ABCA3: variants seen among roughly 807,000 people sequenced by gnomAD.
ABCA3 encodes the protein ATP binding cassette subfamily A member 3.
Under a neutral mutation model 172.8 loss-of-function variants are expected in ABCA3, and 88 were observed. That is an observed-to-expected ratio of 0.51 (90% CI 0.43 to 0.61). The LOEUF is 0.61. ABCA3 is among the 20% of genes least tolerant of loss of function. The pLI, the probability that ABCA3 is intolerant of heterozygous loss-of-function variation, is 0.00. For synonymous variants in ABCA3, 1,066 were observed against 983.8 expected (o/e 1.08, Z -1.56); for missense variants, 2,164 against 2,301.0 (o/e 0.94, Z 1.22).
chr16:2,295,818 T>C, intron 17 of ABCA3, 78 bp from the exon 18 acceptor site: 1 of 1,596,046 alleles, frequency 6.3e-7, no homozygotes, highest in Non-Finnish European at 8.6e-7. Context: ...TCTCTAGGGC[T>C]CACACCAGGC....
At position 2,319,120 on chromosome 16, in the gene ABCA3, G is replaced by A. The variant is rs547877362; in HGVS notation, c.873+461C>T. 3.3e-5 allele frequency among the ~76,000 whole-genome samples: 5 copies of A among 152,160 alleles called. No homozygotes were observed. The East Asian group carries it at 9.7e-4, about 29-fold the overall frequency. The stretch of plus-strand genomic sequence containing the variant: ...TCATGCCTGTAATCCCAGCACTGTG[G>A]GAGAATGAGATGGGAGGCTGAGATG... On this transcript the variant is annotated intron_variant, in intron 8 of 32. Transcript: ENST00000301732.
At chr16:2,320,341 A>G (rs989775337) in intron 7 of ABCA3, among the ~76,000 whole-genome samples, 74 of 146,148 alleles carry the variant, frequency 5.1e-4, no homozygotes, top group Non-Finnish European at 6.0e-5. Flanking sequence ...CTCATGATCC[A>G]CCCACCTTGG....
intron 1 of ABCA3, among the ~76,000 whole-genome samples, chr16:2,336,316 G>A (rs1023598854): frequency 1.3e-5 from 2 of 152,162 alleles, no homozygotes; most frequent in Non-Finnish European, 2.9e-5. Flanking sequence ...TCAGATGATG[G>A]GTAAATGAAA....
At chr16:2,282,252 A>G (rs1414783235) in intron 26 of ABCA3, among the ~76,000 whole-genome samples, 1 of 152,182 alleles carries the variant, frequency 6.6e-6, no homozygotes. Context: ...GTGTGCCATC[A>G]TGCCTAGCTA....
At chr16:2,332,458 T>A in intron 1 of ABCA3, 2 of 1,067,834 alleles carry the variant, frequency 1.9e-6, no homozygotes, top group Non-Finnish European at 2.8e-6. Flanking sequence ...CTCATCCATA[T>A]ACTTCTGGTA....
chr16:2,313,667 G>A (rs2093710221), intron 10 of ABCA3, among the ~76,000 whole-genome samples: 1 of 151,734 alleles, frequency 6.6e-6, no homozygotes, highest in Non-Finnish European at 1.5e-5. Flanking sequence ...CACTCTGGGA[G>A]ACGGAGGTGG....
chr16:2,289,541 C>T lies in ABCA3; in HGVS notation c.2593G>A (p.Ala865Thr), dbSNP rs139882171. Reference sequence around the variant, plus strand: ...TTGCTGTCCACAGCCCAGTCGCTGGCGCGCCTCTCGTGCTGGTACTGCAGG... The same window carrying T: ...TTGCTGTCCACAGCCCAGTCGCTGGTGCGCCTCTCGTGCTGGTACTGCAGG... The part of the protein sequence containing the change: ...PALQYQHERR[A>T]SDWAVDSNLC... Residue 865 changes from alanine (A) to threonine (T), a missense_variant, in exon 20 of 33, where the codon GCC (alanine) becomes ACC (threonine). Around this residue, in one of 3 missense-constraint regions of ABCA3, gnomAD observed 1,343 missense variants for 1,369.6 expected, o/e 0.98. Coordinates refer to ENST00000301732, the MANE Select transcript of ABCA3 (RefSeq NM_001089.3). 26 of 1,571,626 alleles carry T rather than the reference C, an allele frequency of 1.7e-5. No individual in the cohort carries two copies. The highest frequency in any genetic ancestry group is 1.6e-4 in the African/African-American group (12 of 74,562).
chr16:2,336,317 G>A (rs903810423), intron 1 of ABCA3, among the ~76,000 whole-genome samples: 2 of 152,144 alleles, frequency 1.3e-5, no homozygotes, highest in African/African-American at 4.8e-5. Flanking sequence ...CAGATGATGG[G>A]TAAATGAAAT....
chr16:2,306,441 G>A (rs937405806), intron 11 of ABCA3, among the ~76,000 whole-genome samples: 1 of 152,232 alleles, frequency 6.6e-6, no homozygotes, highest in Non-Finnish European at 1.5e-5. Context: ...ACTGCCGACT[G>A]TAGAGAACCG....
Position 2,317,777 on chromosome 16 carries a change from G to A in ABCA3, c.874-13C>T, listed in dbSNP as rs760159640. 1 of 1,612,892 alleles carries A rather than the reference G, an allele frequency of 6.2e-7. No homozygotes were observed. Among genetic ancestry groups the A allele is most frequent in the South Asian group, 1.1e-5 (1 of 91,062 alleles). On this transcript the variant is annotated splice_polypyrimidine_tract_variant and intron_variant, in intron 8 of 32. Transcript: ENST00000301732. The stretch of plus-strand genomic sequence containing the variant: ...TGCGCATGTACTCCTGGGGAGAGAA[G>A]CCATCACGCTGCTGGGGGCCCGTCA...
intron 18 of ABCA3, among the ~76,000 whole-genome samples, chr16:2,294,008 CTTTT>C (rs1264381640): frequency 7.1e-6 from 1 of 140,036 alleles, no homozygotes. Flanking sequence ...TTTTTTCTTT[CTTTT>C]TTTTTTTTTG....
At chr16:2,337,647 A>C (rs1002855734) in intron 1 of ABCA3, among the ~76,000 whole-genome samples, 2 of 152,086 alleles carry the variant, frequency 1.3e-5, no homozygotes, top group Non-Finnish European at 2.9e-5. Context: ...TGGCCTCCCA[A>C]AGTGCCAAGA....
At chr16:2,314,872 CTTT>C (rs35616252) in intron 10 of ABCA3, among the ~76,000 whole-genome samples, 4 of 93,470 alleles carry the variant, frequency 4.3e-5, no homozygotes, top group Non-Finnish European at 8.3e-5. Flanking sequence ...AGTGCCTGGT[CTTT>C]TTTTTTTTTT....
At position 2,295,844 on chromosome 16, in the gene ABCA3, A is replaced by C. The variant is rs115348225; in HGVS notation, c.2264-104T>G. 1,294 of 1,519,092 alleles carry C rather than the reference A, an allele frequency of 8.5e-4. 8 individuals carry two copies. The African/African-American group carries it at 0.016, about 19-fold the overall frequency. The allele number at this position is 1,519,092 out of a possible 1,614,324, so 94.1% of individuals were successfully genotyped here. A position where few individuals can be genotyped will look rare whatever the true frequency, so the allele number is the denominator to read the frequency against. On this transcript the variant is annotated intron_variant, in intron 17 of 32. Coordinates refer to ENST00000301732, the MANE Select transcript of ABCA3 (RefSeq NM_001089.3). ...CACACCAGGCAAGCTGGTGGGAAGGAGGCTAGAGAACCGGAGGTGGGCAGC... is the reference window on the plus strand; with the variant it reads ...CACACCAGGCAAGCTGGTGGGAAGGCGGCTAGAGAACCGGAGGTGGGCAGC...
Position 2,297,134 on chromosome 16 carries a change from T to G in ABCA3, c.2263+195A>C, listed in dbSNP as rs2093681026. On this transcript the variant is annotated intron_variant, in intron 17 of 32. Coordinates refer to ENST00000301732, the MANE Select transcript of ABCA3 (RefSeq NM_001089.3). The surrounding 1 kb of genome is among the most constrained non-coding windows in gnomAD (Gnocchi z 5.6). ...ACCACATCCTAACCAAATTGAGACTTTCAGCTCCATTTCCTGCCTCTTCCC... is the reference window on the plus strand; with the variant it reads ...ACCACATCCTAACCAAATTGAGACTGTCAGCTCCATTTCCTGCCTCTTCCC... Among the ~76,000 whole-genome samples the G allele has an allele frequency of 6.6e-6, 1 of 152,104 alleles. No individual in the cohort carries two copies. Among genetic ancestry groups the G allele is most frequent in the South Asian group, 2.1e-4 (1 of 4,824 alleles).
At chr16:2,317,245 C>A in intron 10 of ABCA3, 38 bp downstream of exon 10, 1 of 1,612,912 alleles carries the variant, frequency 6.2e-7, no homozygotes, top group Non-Finnish European at 8.5e-7. Flanking sequence ...GCCCTTGGCC[C>A]CTTGGCAACC....
chr16:2,293,827 C>T (rs1257047233), intron 18 of ABCA3, among the ~76,000 whole-genome samples: 1 of 152,010 alleles, frequency 6.6e-6, no homozygotes, highest in African/African-American at 2.4e-5. Flanking sequence ...GTGTGAGCCA[C>T]CGTGCCTGGC....
chr16:2,319,460 G>A (rs2093722084), intron 8 of ABCA3, 121 bp downstream of exon 8: 1 of 1,358,336 alleles, frequency 7.4e-7, no homozygotes, highest in African/African-American at 1.5e-5. Flanking sequence ...ACTCCAGCCT[G>A]GGCGACAGAG....
chr16:2,317,605 G>A (rs762245592), intron 9 of ABCA3, 43 bp downstream of exon 9: 2 of 1,607,760 alleles, frequency 1.2e-6, no homozygotes, highest in East Asian at 2.2e-5. Flanking sequence ...GGGTGCCCTG[G>A]CTCTCCCCGT....
Sources: gnomAD v4.1 joint callset for allele counts (sites outside exome capture counted in the v4.1 genomes callset) on GRCh38, gnomAD v4.1.1 for gene constraint, gnomAD v4.1.1 regional missense constraint, Gnocchi (gnomAD v3.1) non-coding constraint, MANE v1.5 for transcripts, NCBI Gene and HGNC (gene_info 2026-07-23, HGNC 2026-07-21) for gene names.